Variants in TNS1 observed in about 807,000 individuals in gnomAD.
TNS1 encodes the protein tensin-1.
A neutral mutation model predicts 168.6 loss-of-function variants in TNS1; 62 were observed. The ratio of observed to expected loss-of-function variants is 0.37; its 90% confidence interval spans 0.30 to 0.45. The LOEUF (loss-of-function observed/expected upper bound fraction) is 0.45. Ranked by LOEUF, TNS1 falls within the 20% of genes least tolerant of loss-of-function variation. TNS1 has a pLI of 1.00. For missense variants in TNS1, 2,240 were observed against 2,339.4 expected (o/e 0.96, Z 0.88); for synonymous variants, 934 against 933.2 (o/e 1.00, Z -0.02).
chr2:217,819,478 T>C (rs951014313), intron 23 of TNS1, among the ~76,000 whole-genome samples: 3 of 152,160 alleles, frequency 2.0e-5, no homozygotes, highest in Non-Finnish European at 2.9e-5. Context: ...ATTTCCTGCA[T>C]TGGGAGGTTA....
intron 3 of TNS1, among the ~76,000 whole-genome samples, chr2:217,935,894 G>T (rs1245555145): frequency 6.6e-6 from 1 of 152,166 alleles, no homozygotes; most frequent in Non-Finnish European, 1.5e-5. Flanking sequence ...ATGGGGTCAG[G>T]ATTCACATGC....
chr2:217,942,767 C>A (rs1191773929), intron 3 of TNS1, among the ~76,000 whole-genome samples: 2 of 152,010 alleles, frequency 1.3e-5, no homozygotes, highest in African/African-American at 2.4e-5. Flanking sequence ...CTCACCCCCA[C>A]AACCGCCTGC....
At position 217,995,976 on chromosome 2, in the gene TNS1, G is replaced by A. The variant is rs958682983; in HGVS notation, c.34-4920C>T. Among the ~76,000 whole-genome samples the A allele has an allele frequency of 6.6e-5, 10 of 152,168 alleles. No homozygotes were observed. Among genetic ancestry groups the A allele is most frequent in the South Asian group, 2.1e-4 (1 of 4,834 alleles). ...GCAGCCCAGCTTTCCTGCCCGGGCC[G>A]CTCAGCCAGAGGGGTGTGGCACATC... On this transcript the variant is annotated intron_variant, in intron 1 of 32. Coordinates refer to ENST00000682258, the MANE Select transcript of TNS1 (RefSeq NM_001387777.1). The surrounding 1 kb of genome is among the most constrained non-coding windows in gnomAD (Gnocchi z 4.1).
upstream of TNS1, among the ~76,000 whole-genome samples, chr2:218,007,908 A>T (rs1384071894): frequency 6.6e-6 from 1 of 152,154 alleles, no homozygotes; most frequent in Non-Finnish European, 1.5e-5. Context: ...AGCATGGGGC[A>T]CTACATTCTA....
chr2:217,932,583 G>A (rs1032476226), intron 3 of TNS1, among the ~76,000 whole-genome samples: 3 of 151,164 alleles, frequency 2.0e-5, no homozygotes, highest in South Asian at 2.1e-4. Context: ...CTTCTTATGC[G>A]TCTCAAAGCA....
intron 6 of TNS1, among the ~76,000 whole-genome samples, chr2:217,902,852 C>T (rs1953175678): frequency 6.6e-6 from 1 of 152,180 alleles, no homozygotes; most frequent in African/African-American, 2.4e-5. Flanking sequence ...ACTGACGGGG[C>T]TTCCTGTTTT....
intron 19 of TNS1, chr2:217,841,226 G>T (rs891400650): frequency 1.0e-6 from 1 of 984,940 alleles, no homozygotes; most frequent in Admixed American, 6.2e-5. Context: ...TGGAGCCGGT[G>T]GAGAGGAGGG....
At chr2:217,980,369 G>A (rs930210959) in intron 2 of TNS1, among the ~76,000 whole-genome samples, 1 of 151,924 alleles carries the variant, frequency 6.6e-6, no homozygotes, top group East Asian at 1.9e-4. Context: ...CCCTCACTTC[G>A]CAAAGGTGTT....
intron 2 of TNS1, among the ~76,000 whole-genome samples, chr2:217,981,040 T>G (rs1391220876): frequency 6.6e-6 from 1 of 152,154 alleles, no homozygotes. Context: ...CTGGGTAACT[T>G]CTCTCTAATC....
At chr2:217,878,386 G>A (rs1292428356) in intron 18 of TNS1, among the ~76,000 whole-genome samples, 1 of 152,232 alleles carries the variant, frequency 6.6e-6, no homozygotes, top group Non-Finnish European at 1.5e-5. Context: ...GGACAGCACA[G>A]GGGGCAACGC....
At chr2:217,849,158 T>C in intron 18 of TNS1, 71 bp from the exon 19 acceptor site, 1 of 1,519,930 alleles carries the variant, frequency 6.6e-7, no homozygotes. Context: ...TATCATCCAC[T>C]CTGCCAGAGA....
At chr2:217,890,244 T>A (rs192101438) in intron 12 of TNS1, 1 of 152,272 alleles carries the variant, frequency 6.6e-6, no homozygotes, top group African/African-American at 2.4e-5. Flanking sequence ...CGTTCCCCTA[T>A]CAGTTCTCGT....
In TNS1 at chr2:217,886,574, G is replaced by A. The variant is rs369338738; in HGVS notation, c.939C>T (p.His313=). The change falls in exon 13 of 33, where the codon CAC becomes CAT. Residue 313 remains histidine (H), a synonymous_variant. Coordinates refer to ENST00000682258, the MANE Select transcript of TNS1 (RefSeq NM_001387777.1). ...KMNNKPLFLH[H]VIMHGIPNFE... Reference sequence around the variant, plus strand: ...AGTTGGGGATGCCGTGCATGATCACGTGGTGCAGAAACAAGGGCTTGTTGT... The same window carrying A: ...AGTTGGGGATGCCGTGCATGATCACATGGTGCAGAAACAAGGGCTTGTTGT... 4.1e-5 allele frequency: 66 copies of A among 1,605,900 alleles called. No homozygotes were observed. Among genetic ancestry groups the A allele is most frequent in the South Asian group, 2.3e-5 (2 of 88,558 alleles).
At chr2:217,975,794 C>A (rs1957879475) in intron 3 of TNS1, among the ~76,000 whole-genome samples, 1 of 152,196 alleles carries the variant, frequency 6.6e-6, no homozygotes, top group African/African-American at 2.4e-5. Context: ...CCAGACCCAG[C>A]CCCTCCTCAC....
At chr2:217,872,896 G>A (rs1055466804) in intron 18 of TNS1, among the ~76,000 whole-genome samples, 9 of 152,174 alleles carry the variant, frequency 5.9e-5, no homozygotes, top group African/African-American at 1.4e-4. Context: ...ATGTTACAAC[G>A]TGAATGAAAC....
intron 3 of TNS1, among the ~76,000 whole-genome samples, chr2:217,960,385 C>T (rs796695652): frequency 5.3e-5 from 8 of 152,318 alleles, no homozygotes; most frequent in African/African-American, 1.9e-4. Context: ...CTGGATGCCT[C>T]TGACAGTGGA....
chr2:218,000,030 C>T (rs1327630139), intron 1 of TNS1, among the ~76,000 whole-genome samples: 1 of 152,188 alleles, frequency 6.6e-6, no homozygotes, highest in Non-Finnish European at 1.5e-5. Context: ...AGGGCCTCCA[C>T]CTCTAACTCC....
chr2:218,014,454 G>T (rs570584381), upstream of TNS1, among the ~76,000 whole-genome samples: 11 of 152,250 alleles, frequency 7.2e-5, no homozygotes, highest in East Asian at 2.1e-3. Flanking sequence ...CCAGCTGCAC[G>T]CATGGGTGAA....
At position 217,885,655 on chromosome 2, in the gene TNS1, T is replaced by G. The variant is rs568400240; in HGVS notation, c.1116+89A>C. 9.2e-4 allele frequency: 1,278 copies of G among 1,390,240 alleles called. 1 individual carries two copies. The highest frequency in any genetic ancestry group is 1.1e-3 in the Non-Finnish European group (1,098 of 989,022). 86.1% of individuals were successfully genotyped at this position (1,390,240 alleles called of 1,614,324 possible). A position where few individuals can be genotyped will look rare whatever the true frequency, so the allele number is the denominator to read the frequency against. ...AGCCTGGCAGCCCAGGAGGAGTACC[T>G]GTCTTGTCCCAAGAGGCAGGAAAGG... On this transcript the variant is annotated intron_variant, in intron 15 of 32. Transcript: ENST00000682258.
Sources: allele counts gnomAD v4.1 joint callset (sites outside exome capture counted in the v4.1 genomes callset), GRCh38; gene constraint gnomAD v4.1.1; non-coding constraint Gnocchi (gnomAD v3.1); transcripts MANE v1.5; gene names NCBI Gene and HGNC (gene_info 2026-07-23, HGNC 2026-07-21).